IGSF3: variants seen among roughly 807,000 people sequenced by gnomAD.
IGSF3 encodes the protein immunoglobulin superfamily member 3, also known as glu-Trp-Ile EWI motif-containing protein 3.
Under a neutral mutation model 114.4 loss-of-function variants are expected in IGSF3, and 23 were observed. The ratio of observed to expected loss-of-function variants is 0.20; its 90% CI spans 0.14 to 0.28. IGSF3 has a LOEUF of 0.28. Among genes scored for constraint, IGSF3 ranks in the 10% least tolerant of loss-of-function variants. The pLI, the probability that IGSF3 is intolerant of heterozygous loss-of-function variation, is 1.00. For synonymous variants in IGSF3, 571 were observed against 645.2 expected (o/e 0.88, Z 1.74); for missense variants, 1,172 against 1,591.5 (o/e 0.74, Z 4.48).
At chr1:116,587,046 C>G (rs1659879401) in intron 8 of IGSF3, among the ~76,000 whole-genome samples, 1 of 151,880 alleles carries the variant, frequency 6.6e-6, no homozygotes, top group Non-Finnish European at 1.5e-5. Context: ...GGGGAACAGA[C>G]TCACTGCATT....
At chr1:116,622,736 G>C (rs1301725942) in intron 2 of IGSF3, among the ~76,000 whole-genome samples, 2 of 152,156 alleles carry the variant, frequency 1.3e-5, no homozygotes, top group African/African-American at 4.8e-5. Context: ...GAATGGGGTC[G>C]ATTTCATTAC....
rs1416785269 is a variant in IGSF3, at chr1:116,618,489, G to A, written c.44-2032C>T. On this transcript the variant is annotated intron_variant, in intron 2 of 10. Transcript: ENST00000369486. The surrounding 1 kb of genome is among the most constrained non-coding windows in gnomAD (Gnocchi z 4.7). ...GAGCATATATAGAGATCTAATATAT[G>A]GCACTTAATGTTGGCATGGCAGATC... Among the ~76,000 whole-genome samples the A allele has an allele frequency of 6.6e-6, 1 of 152,148 alleles. No homozygotes were observed. Among genetic ancestry groups the A allele is most frequent in the Non-Finnish European group, 1.5e-5 (1 of 68,036 alleles).
In IGSF3 at chr1:116,589,653, C is replaced by T. The variant is rs1440878777; in HGVS notation, c.2030-549G>A. On this transcript the variant is annotated intron_variant, in intron 7 of 10. Transcript: ENST00000369486. This position sits in a 1 kb window ranked among gnomAD's most constrained non-coding sequence, Gnocchi z 5.7. Reference sequence around the variant, plus strand: ...CCACCTCCCACCCTGACCCTTCTCTCCACTTATCCCTCATTCCCGTCCCCC... The same window carrying T: ...CCACCTCCCACCCTGACCCTTCTCTTCACTTATCCCTCATTCCCGTCCCCC... 6.6e-6 allele frequency among the ~76,000 whole-genome samples: 1 copy of T among 152,120 alleles called. No homozygotes were observed. Among genetic ancestry groups the T allele is most frequent in the Admixed American group, 6.5e-5 (1 of 15,282 alleles).
In IGSF3 at chr1:116,652,471, A is replaced by G. The variant is rs531737779; in HGVS notation, c.43+13813T>C. Among the ~76,000 whole-genome samples the G allele has an allele frequency of 2.0e-5, 3 of 152,388 alleles. No individual in the cohort carries two copies. The Middle Eastern group carries it at 0.01, about 518-fold the overall frequency. ...CTTCCTCATTAGTCTACATTGTTAGAGGTTGAACCATTATATTAAGAGAAA... is the reference window on the plus strand; with the variant it reads ...CTTCCTCATTAGTCTACATTGTTAGGGGTTGAACCATTATATTAAGAGAAA... On this transcript the variant is annotated intron_variant, in intron 2 of 10. Transcript: ENST00000369486.
chr1:116,600,801 G>A lies in IGSF3; in HGVS notation c.1625-456C>T, dbSNP rs1024422383. On this transcript the variant is annotated intron_variant, in intron 6 of 10. Coordinates refer to ENST00000369486, the MANE Select transcript of IGSF3 (RefSeq NM_001007237.3). This position sits in a 1 kb window ranked among gnomAD's most constrained non-coding sequence, Gnocchi z 5.5. ...CTTTTCCTGGTCCCTTAGCGCACTG[G>A]TGCCGAGAAGGGAAGCAGATGGAGT... Among the ~76,000 whole-genome samples the A allele has an allele frequency of 6.6e-6, 1 of 152,118 alleles. No homozygotes were observed. The highest frequency in any genetic ancestry group is 2.4e-5 in the African/African-American group (1 of 41,432).
rs1660199384 is a variant in IGSF3, at chr1:116,593,305, T to C, written c.2030-4201A>G. Among the ~76,000 whole-genome samples, 2 of 152,226 alleles carry C rather than the reference T, an allele frequency of 1.3e-5. No individual in the cohort carries two copies. Among genetic ancestry groups the C allele is most frequent in the South Asian group, 4.1e-4 (2 of 4,836 alleles). ...AGCAACAGCCGTGCTGCTGAGGTGG[T>C]TGCCGGTAAGTCTGGAGAAGGTGGT... On this transcript the variant is annotated intron_variant, in intron 7 of 10. Transcript: ENST00000369486. The surrounding 1 kb of genome is among the most constrained non-coding windows in gnomAD (Gnocchi z 4.5).
Position 116,616,060 on chromosome 1 carries a change from T to C in IGSF3, c.421+20A>G, listed in dbSNP as rs372418078. 5.7e-6 allele frequency: 9 copies of C among 1,581,000 alleles called. No homozygotes were observed. The highest frequency in any genetic ancestry group is 3.4e-5 in the Admixed American group (2 of 59,316). ...TGAGTCAGGCCAGACGCTGGCAACG[T>C]GAAGACAGCTTCTCCTTACCCACTA... is the stretch of plus-strand genomic sequence containing the variant. On this transcript the variant is annotated intron_variant, in intron 3 of 10. Coordinates refer to ENST00000369486, the MANE Select transcript of IGSF3 (RefSeq NM_001007237.3). The surrounding 1 kb of genome is among the most constrained non-coding windows in gnomAD (Gnocchi z 6.6).
At chr1:116,586,876 C>T (rs1659867552) in intron 8 of IGSF3, among the ~76,000 whole-genome samples, 1 of 151,846 alleles carries the variant, frequency 6.6e-6, no homozygotes, top group African/African-American at 2.4e-5. Context: ...TTCAAAAGCC[C>T]CAGGGACTGG....
At position 116,618,636 on chromosome 1, in the gene IGSF3, C is replaced by T. The variant is rs974437902; in HGVS notation, c.44-2179G>A. On this transcript the variant is annotated intron_variant, in intron 2 of 10. Coordinates refer to ENST00000369486, the MANE Select transcript of IGSF3 (RefSeq NM_001007237.3). This position sits in a 1 kb window ranked among gnomAD's most constrained non-coding sequence, Gnocchi z 4.7. ...GTTGAAGTACACCCTATGATGTCCA[C>T]ACAAGAATGAAATTGCCGAATGATG... 6.6e-6 allele frequency among the ~76,000 whole-genome samples: 1 copy of T among 152,160 alleles called. No individual in the cohort carries two copies. The highest frequency in any genetic ancestry group is 1.5e-5 in the Non-Finnish European group (1 of 68,034).
At position 116,575,002 on chromosome 1, in the gene IGSF3, C is replaced by T. The variant is rs74111632; in HGVS notation, c.*2310G>A. The T allele has an allele frequency of 6.6e-6, 1 of 152,668 alleles. No individual in the cohort carries two copies. The highest frequency in any genetic ancestry group is 2.4e-5 in the African/African-American group (1 of 41,518). The allele number at this position is 152,668 out of a possible 1,614,324, so 9.5% of individuals were successfully genotyped here. Reference sequence around the variant, plus strand: ...TTTCAAATTTCCTACAATTGCTTTACATATTTGTGTGCAGCACCTACTTCT... The same window carrying T: ...TTTCAAATTTCCTACAATTGCTTTATATATTTGTGTGCAGCACCTACTTCT... On this transcript the variant is annotated 3_prime_UTR_variant, in exon 11 of 11. Transcript: ENST00000369486. This position sits in a 1 kb window ranked among gnomAD's most constrained non-coding sequence, Gnocchi z 5.6.
In IGSF3 at chr1:116,651,845, T is replaced by C. The variant is rs1648645778; in HGVS notation, c.43+14439A>G. Among the ~76,000 whole-genome samples, 1 of 152,204 alleles carries C rather than the reference T, an allele frequency of 6.6e-6. No homozygotes were observed. Among genetic ancestry groups the C allele is most frequent in the African/African-American group, 2.4e-5 (1 of 41,452 alleles). On this transcript the variant is annotated intron_variant, in intron 2 of 10. Transcript: ENST00000369486. This position sits in a 1 kb window ranked among gnomAD's most constrained non-coding sequence, Gnocchi z 4.4. ...ACAAAAGTACAATCCAACTTCAGGA[T>C]TGTAATTAATTATAAATGCATTTAT... is the stretch of plus-strand genomic sequence containing the variant.
In IGSF3 at chr1:116,613,973, G is replaced by C; in HGVS notation, c.624C>G (p.Ser208Arg). Residue 208 changes from serine (S) to arginine (R), a missense_variant, in exon 4 of 11, where the codon AGC becomes AGG. Around this residue, in one of 3 missense-constraint regions of IGSF3, gnomAD observed 736 missense variants for 1,042.0 expected, o/e 0.71. Transcript: ENST00000369486. ...CCAGGCTCTGCCTCTGGGCATATTC[G>C]CTGCTGGAGTGAAGCATGAAATCTC... is the stretch of plus-strand genomic sequence containing the variant. ...LSRDFMLHSS[S>R]EYAQRQSLGE... 1 of 1,613,992 alleles carries C rather than the reference G, an allele frequency of 6.2e-7. No individual in the cohort carries two copies. The highest frequency in any genetic ancestry group is 1.1e-5 in the South Asian group (1 of 91,076).
intron 2 of IGSF3, among the ~76,000 whole-genome samples, chr1:116,622,843 C>T (rs1042883471): frequency 2.6e-5 from 4 of 152,232 alleles, no homozygotes; most frequent in African/African-American, 9.6e-5. Context: ...ATGGCTCACA[C>T]TAAATGTGCT....
At chr1:116,619,770 CT>C (rs200638914) in intron 2 of IGSF3, among the ~76,000 whole-genome samples, 5,002 of 149,628 alleles carry the variant, frequency 0.033, 234 homozygotes, top group African/African-American at 0.1. Context: ...AGGCAAGGAT[CT>C]TTTTTTTTTA....
Position 116,667,680 on chromosome 1 carries a change from C to A in IGSF3, c.-693G>T, listed in dbSNP as rs1483953066. On this transcript the variant is annotated 5_prime_UTR_variant, in exon 1 of 11. Transcript: ENST00000369486. ...GTCCTTCAGTCCATCCAGGCGCACG[C>A]CTCAGGGGACGCGCCGCTTCCTCTT... is the stretch of plus-strand genomic sequence containing the variant. 2 of 151,586 alleles carry A rather than the reference C, an allele frequency of 1.3e-5. No individual in the cohort carries two copies. The highest frequency in any genetic ancestry group is 2.9e-5 in the Non-Finnish European group (2 of 67,870). 9.4% of individuals were successfully genotyped at this position (151,586 alleles called of 1,614,324 possible). A position where few individuals can be genotyped will look rare whatever the true frequency, so the allele number is the denominator to read the frequency against.
chr1:116,630,537 G>C (rs1383255363), intron 2 of IGSF3, among the ~76,000 whole-genome samples: 1 of 152,176 alleles, frequency 6.6e-6, no homozygotes, highest in Non-Finnish European at 1.5e-5. Flanking sequence ...GGGATACAGA[G>C]TTGGCATCCA....
Position 116,627,883 on chromosome 1 carries a change from A to G in IGSF3, c.44-11426T>C, listed in dbSNP as rs1647369676. On this transcript the variant is annotated intron_variant, in intron 2 of 10. Transcript: ENST00000369486. This position sits in a 1 kb window ranked among gnomAD's most constrained non-coding sequence, Gnocchi z 4.7. ...CCCAGGCAGTGAATTGGGGTCTCCA[A>G]AGGAACCTCAGAGCCGTGTCCTACT... Among the ~76,000 whole-genome samples, 1 of 152,204 alleles carries G rather than the reference A, an allele frequency of 6.6e-6. No homozygotes were observed. The highest frequency in any genetic ancestry group is 2.1e-4 in the South Asian group (1 of 4,830).
Position 116,650,720 on chromosome 1 carries a change from A to C in IGSF3, c.43+15564T>G, listed in dbSNP as rs145032485. Among the ~76,000 whole-genome samples the C allele has an allele frequency of 0.026, 4,004 of 152,334 alleles. 162 individuals are homozygous for C. Among genetic ancestry groups the C allele is most frequent in the African/African-American group, 0.091 (3,773 of 41,548 alleles). On this transcript the variant is annotated intron_variant, in intron 2 of 10. Coordinates refer to ENST00000369486, the MANE Select transcript of IGSF3 (RefSeq NM_001007237.3). This position sits in a 1 kb window ranked among gnomAD's most constrained non-coding sequence, Gnocchi z 5.0. The stretch of plus-strand genomic sequence containing the variant: ...CACCCCCATCCTGTGCTGGCAGATA[A>C]GGATGCTCAACAAATAGCTGTGGAA...
chr1:116,653,239 T>C (rs1418691510), intron 2 of IGSF3, among the ~76,000 whole-genome samples: 1 of 152,232 alleles, frequency 6.6e-6, no homozygotes, highest in African/African-American at 2.4e-5. Context: ...TGATTAAAGC[T>C]GAATGCCTAT....
Sources: allele counts gnomAD v4.1 joint callset (sites outside exome capture counted in the v4.1 genomes callset), GRCh38; gene constraint gnomAD v4.1.1; regional missense constraint gnomAD v4.1.1; non-coding constraint Gnocchi (gnomAD v3.1); transcripts MANE v1.5; gene names NCBI Gene and HGNC (gene_info 2026-07-23, HGNC 2026-07-21).